The following PITX3 variants were observed in gnomAD, a reference collection of about 807,000 sequenced individuals.
PITX3 encodes pituitary homeobox 3.
A neutral mutation model predicts 14.2 loss-of-function variants in PITX3; 4 were observed. That is an observed-to-expected ratio of 0.28 (90% CI 0.14 to 0.65). PITX3 has a LOEUF of 0.65. Ranked by LOEUF, PITX3 falls within the 30% of genes least tolerant of loss-of-function variation. The pLI is 0.82. For missense variants in PITX3, 358 were observed against 426.8 expected (o/e 0.84, Z 1.42); for synonymous variants, 194 against 204.5 (o/e 0.95, Z 0.44).
intron 1 of PITX3, among the ~76,000 whole-genome samples, chr10:102,234,469 C>T (rs886817829): frequency 6.6e-6 from 1 of 152,148 alleles, no homozygotes; most frequent in Non-Finnish European, 1.5e-5. Flanking sequence ...CTTCCCCTTC[C>T]AGGTCGGGTC....
chr10:102,234,852 A>G (rs1408293655), intron 1 of PITX3, among the ~76,000 whole-genome samples: 1 of 152,060 alleles, frequency 6.6e-6, no homozygotes, highest in Non-Finnish European at 1.5e-5. Flanking sequence ...GGCATTCCAT[A>G]CCTGCATCTT....
chr10:102,230,664 G>T lies in PITX3; in HGVS notation c.759C>A (p.Pro253=). 1 of 1,595,012 alleles carries T rather than the reference G, an allele frequency of 6.3e-7. No homozygotes were observed. Residue 253 remains proline, a synonymous_variant, in exon 4 of 4, where the codon CCC becomes CCA. Coordinates refer to ENST00000370002, the MANE Select transcript of PITX3 (RefSeq NM_005029.4). The part of the protein sequence containing the change: ...AAAAAAAASS[P]YVYRDPCNSS... ...AGTTACACGGGTCCCGATAGACGTA[G>T]GGGGAAGAGGCGGCAGCCGCGGCGG...
At chr10:102,236,014 A>G (rs1194374390) in intron 1 of PITX3, among the ~76,000 whole-genome samples, 1 of 152,194 alleles carries the variant, frequency 6.6e-6, no homozygotes, top group Non-Finnish European at 1.5e-5. Context: ...ACAGCTGAGA[A>G]GGGACCTGAC....
In PITX3 at chr10:102,230,588, A is replaced by G; in HGVS notation, c.835T>C (p.Tyr279His). The G allele has an allele frequency of 6.2e-7, 1 of 1,611,606 alleles. No individual in the cohort carries two copies. Among genetic ancestry groups the G allele is most frequent in the Non-Finnish European group, 8.5e-7 (1 of 1,179,214 alleles). ...GGGGGCGGCCCGTGCACAGCGGGGT[A>G]GCTGAAGGAGGCGTGCTGTTTGGCT... ...LKAKQHASFS[Y>H]PAVHGPPPAA... Residue 279 changes from tyrosine (Y) to histidine (H), a missense_variant, in exon 4 of 4, where the codon TAC (tyrosine) becomes CAC (histidine). By Grantham distance (83) the Tyr-to-His change is moderately conservative. Transcript: ENST00000370002.
At chr10:102,240,692 C>T (rs933920023) in intron 1 of PITX3, among the ~76,000 whole-genome samples, 1 of 152,242 alleles carries the variant, frequency 6.6e-6, no homozygotes, top group South Asian at 2.1e-4. Context: ...TCTGAGGCGG[C>T]CTCAAGTCAG....
At chr10:102,236,561 T>C (rs374769013) in intron 1 of PITX3, among the ~76,000 whole-genome samples, 6 of 152,304 alleles carry the variant, frequency 3.9e-5, no homozygotes, top group East Asian at 3.9e-4. Context: ...AGCCTGGTCA[T>C]GGACTGCAGC....
At chr10:102,231,132 C>T (rs769735712) in intron 3 of PITX3, 31 bp from the exon 4 acceptor site, 4 of 1,489,492 alleles carry the variant, frequency 2.7e-6, no homozygotes, top group Non-Finnish European at 3.5e-6. Context: ...CGGTCAGGGC[C>T]CGGGGCCGGG....
intron 1 of PITX3, among the ~76,000 whole-genome samples, chr10:102,237,641 G>A (rs1467834229): frequency 6.6e-6 from 1 of 152,088 alleles, no homozygotes; most frequent in African/African-American, 2.4e-5. Context: ...ACAGAAGCAT[G>A]ACCTGAAACA....
At position 102,231,910 on chromosome 10, in the gene PITX3, G is replaced by A. The variant is rs2070253014; in HGVS notation, c.118+53C>T. ...GGGCTGCCCAGCCGGGGTCCCACCC[G>A]CACTGGGGATGAAGCTGTTATGTCC... On this transcript the variant is annotated intron_variant, in intron 2 of 3. Coordinates refer to ENST00000370002, the MANE Select transcript of PITX3 (RefSeq NM_005029.4). The A allele has an allele frequency of 1.9e-6, 3 of 1,550,984 alleles. No individual in the cohort carries two copies. In the African/African-American group the frequency reaches 4.1e-5, roughly 21 times the overall value.
At position 102,241,043 on chromosome 10, in the gene PITX3, A is replaced by G. The variant is rs564781569; in HGVS notation, c.-13+290T>C. 6.6e-5 allele frequency among the ~76,000 whole-genome samples: 10 copies of G among 151,982 alleles called. No individual in the cohort carries two copies. The South Asian group carries it at 2.1e-3, about 32-fold the overall frequency. On this transcript the variant is annotated intron_variant, in intron 1 of 3. Transcript: ENST00000370002. The surrounding 1 kb of genome is among the most constrained non-coding windows in gnomAD (Gnocchi z 6.7). The stretch of plus-strand genomic sequence containing the variant: ...TGGGATTCCAGGGCGCTTTCTGGTA[A>G]TGGTTTCCAGACTCCCTACTCCCTG...
chr10:102,231,464 G>T, intron 3 of PITX3, 124 bp downstream of exon 3: 1 of 669,268 alleles, frequency 1.5e-6, no homozygotes, highest in African/African-American at 1.8e-5. Flanking sequence ...CTGCGGCCGG[G>T]AGCCAGGGTC....
chr10:102,234,710 T>C (rs931246734), intron 1 of PITX3, among the ~76,000 whole-genome samples: 12 of 152,076 alleles, frequency 7.9e-5, no homozygotes, highest in African/African-American at 2.9e-4. Flanking sequence ...CCAGAGGCCA[T>C]GGAAGCAACA....
At chr10:102,238,378 A>C (rs902011513) in intron 1 of PITX3, among the ~76,000 whole-genome samples, 1 of 152,170 alleles carries the variant, frequency 6.6e-6, no homozygotes, top group Non-Finnish European at 1.5e-5. Context: ...GTCCTGGGCC[A>C]ATGTTCCCAT....
In PITX3 at chr10:102,231,030, G is replaced by T. The variant is rs1323276885; in HGVS notation, c.393C>A (p.Gly131=). The part of the protein sequence containing the change: ...ERSQQAELCK[G]SFAAPLGGLV... ...GCCCCCCGAGCGGCGCCGCGAAGCT[G>T]CCTTTGCATAGCTCGGCCTGCTGGC... The change falls in exon 4 of 4, where the codon GGC becomes GGA. Residue 131 remains glycine, a synonymous_variant. Coordinates refer to ENST00000370002, the MANE Select transcript of PITX3 (RefSeq NM_005029.4). 5.0e-6 allele frequency: 8 copies of T among 1,597,116 alleles called. No individual in the cohort carries two copies. The highest frequency in any genetic ancestry group is 3.3e-4 in the Middle Eastern group (2 of 6,002).
chr10:102,237,976 G>C (rs2070444075), intron 1 of PITX3, among the ~76,000 whole-genome samples: 1 of 152,032 alleles, frequency 6.6e-6, no homozygotes, highest in Non-Finnish European at 1.5e-5. Context: ...GCATCTTTGT[G>C]ACCTTTATTT....
intron 1 of PITX3, among the ~76,000 whole-genome samples, chr10:102,233,603 CTGTTT>C (rs1451929201): frequency 6.6e-6 from 1 of 152,144 alleles, no homozygotes; most frequent in African/African-American, 2.4e-5. Context: ...CATGCCCAGC[CTGTTT>C]TGTTTATTAT....
chr10:102,230,530 A>G lies in PITX3; in HGVS notation c.893T>C (p.Val298Ala). Reference protein sequence around the residue: ...AANLSPCQYAVERPV With the variant: ...AANLSPCQYAAERPV ...CGGGGCCGCTCATACGGGCCTTTCC[A>G]CGGCGTACTGGCACGGACTAAGGTT... Residue 298 changes from valine (V) to alanine (A), a missense_variant, in exon 4 of 4, where the codon GTG becomes GCG. This residue lies in a region of PITX3 where 236 missense variants were observed against 250.2 expected (regional missense o/e 0.94). Transcript: ENST00000370002. 6.2e-7 allele frequency: 1 copy of G among 1,609,514 alleles called. No individual in the cohort carries two copies. The highest frequency in any genetic ancestry group is 1.8e-4 in the Middle Eastern group (1 of 5,516).
Position 102,230,698 on chromosome 10 carries a change from G to T in PITX3, c.725C>A (p.Ala242Asp). Reference sequence around the variant, plus strand: ...GGCGGCAGCCGCGGCGGCGGCGGCGGCCGAGGCATAAGGGCAGGACACGGC... The same window carrying T: ...GGCGGCAGCCGCGGCGGCGGCGGCGTCCGAGGCATAAGGGCAGGACACGGC... ...SGAVSCPYAS[A>D]AAAAAAAASS... is the part of the protein sequence containing the mutation. Residue 242 changes from alanine (A) to aspartate (D), a missense_variant, in exon 4 of 4, where the codon GCC (alanine) becomes GAC (aspartate). Physicochemically the swap from Ala to Asp is moderately radical, Grantham distance 126 (BLOSUM62 -2). This residue lies in a region of PITX3 where 236 missense variants were observed against 250.2 expected (regional missense o/e 0.94). Transcript: ENST00000370002. 1 of 1,562,590 alleles carries T rather than the reference G, an allele frequency of 6.4e-7. No homozygotes were observed. The highest frequency in any genetic ancestry group is 8.7e-7 in the Non-Finnish European group (1 of 1,154,244).
intron 1 of PITX3, among the ~76,000 whole-genome samples, chr10:102,233,231 G>A (rs1400772587): frequency 6.6e-6 from 1 of 151,576 alleles, no homozygotes; most frequent in East Asian, 1.9e-4. Context: ...GGCCTTGCTT[G>A]GGTCGGCTTC....
Sources: allele counts gnomAD v4.1 joint callset (sites outside exome capture counted in the v4.1 genomes callset), GRCh38; gene constraint gnomAD v4.1.1; regional missense constraint gnomAD v4.1.1; non-coding constraint Gnocchi (gnomAD v3.1); transcripts MANE v1.5; gene names NCBI Gene and HGNC (gene_info 2026-07-23, HGNC 2026-07-21).